FKBP8: variants seen among roughly 807,000 people sequenced by gnomAD.
The protein encoded by FKBP8 is FKBP prolyl isomerase 8.
In FKBP8, 5 loss-of-function variants were observed where a neutral mutation model predicts 41.7. The ratio of observed to expected loss-of-function variants is 0.12; its 90% CI spans 0.06 to 0.25. FKBP8 has a LOEUF of 0.25. FKBP8 is among the 10% of genes least tolerant of loss of function. FKBP8 has a pLI of 1.00. For synonymous variants in FKBP8, 279 were observed against 254.5 expected (o/e 1.10, Z -0.92); for missense variants, 397 against 563.0 (o/e 0.71, Z 2.98).
At chr19:18,533,608 G>C (rs1378924812) in intron 6 of FKBP8, among the ~76,000 whole-genome samples, 2 of 152,158 alleles carry the variant, frequency 1.3e-5, no homozygotes, top group East Asian at 3.8e-4. Flanking sequence ...AGGAGGCTGA[G>C]GTGGGAGGAT....
In FKBP8 at chr19:18,531,848, C is replaced by T. The variant is rs1347984499; in HGVS notation, c.*321G>A. ...GCGGGGTGGGGGGCTGGCACTCAGGCGGGGACTAGGCAGGGGAAGGGCTGC... is the reference window on the plus strand; with the variant it reads ...GCGGGGTGGGGGGCTGGCACTCAGGTGGGGACTAGGCAGGGGAAGGGCTGC... On this transcript the variant is annotated 3_prime_UTR_variant, in exon 9 of 9. Transcript: ENST00000608443. 6 of 293,722 alleles carry T rather than the reference C, an allele frequency of 2.0e-5. No individual in the cohort carries two copies. The highest frequency in any genetic ancestry group is 8.0e-5 in the African/African-American group (3 of 37,350). 18.2% of individuals were successfully genotyped at this position (293,722 alleles called of 1,614,324 possible). A position where few individuals can be genotyped will look rare whatever the true frequency, so the allele number is the denominator to read the frequency against.
At chr19:18,543,177 A>C (rs1600542445) in intron 1 of FKBP8, 1 of 207,554 alleles carries the variant, frequency 4.8e-6, no homozygotes, top group South Asian at 3.4e-5. Flanking sequence ...CCAACGACCC[A>C]CGCCTGTCTG....
In FKBP8 at chr19:18,538,135, G is replaced by C; in HGVS notation, c.772+81C>G. 7.1e-7 allele frequency: 1 copy of C among 1,401,830 alleles called. No homozygotes were observed. The highest frequency in any genetic ancestry group is 1.4e-5 in the African/African-American group (1 of 70,112). The allele number at this position is 1,401,830 out of a possible 1,614,324, so 86.8% of individuals were successfully genotyped here. A position where few individuals can be genotyped will look rare whatever the true frequency, so the allele number is the denominator to read the frequency against. ...CTATTCTAGAATATTCTGAGTCTGA[G>C]GCTCTCTGGGGCTGGAAGTTTCTGG... On this transcript the variant is annotated intron_variant, in intron 5 of 8. Transcript: ENST00000608443. The surrounding 1 kb of genome is among the most constrained non-coding windows in gnomAD (Gnocchi z 4.0).
At chr19:18,532,309 T>C in intron 8 of FKBP8, 54 bp from the exon 9 acceptor site, 1 of 1,480,106 alleles carries the variant, frequency 6.8e-7, no homozygotes, top group Non-Finnish European at 9.3e-7. Flanking sequence ...GACTGGCCTC[T>C]GGGGCCTCAG....
At chr19:18,542,574 A>C in intron 1 of FKBP8, 1 of 197,230 alleles carries the variant, frequency 5.1e-6, no homozygotes, top group South Asian at 6.2e-5. Flanking sequence ...CACCAACTGT[A>C]ATCACCCAGA....
intron 6 of FKBP8, among the ~76,000 whole-genome samples, chr19:18,534,916 T>C (rs112123121): frequency 0.016 from 2,414 of 151,862 alleles, 67 homozygotes; most frequent in African/African-American, 0.054. Context: ...GCCTCCCGAG[T>C]AACTGGGATT....
intron 2 of FKBP8, 107 bp from the exon 3 acceptor site, chr19:18,539,827 G>C: frequency 4.4e-6 from 6 of 1,367,756 alleles, no homozygotes; most frequent in Non-Finnish European, 6.1e-6. Flanking sequence ...GCTGTCCAGA[G>C]GGGGCTGGCC....
rs1261045327 is a variant in FKBP8, at chr19:18,538,571, G to C, written c.552-135C>G. On this transcript the variant is annotated intron_variant, in intron 4 of 8. Transcript: ENST00000608443. This position sits in a 1 kb window ranked among gnomAD's most constrained non-coding sequence, Gnocchi z 4.0. ...TCTGCCCTCCATCATTCCCTCCTCA[G>C]TAAAGTGCAGGGGAAGTGACTTGCC... 2.5e-5 allele frequency: 18 copies of C among 714,334 alleles called. No homozygotes were observed. Among genetic ancestry groups the C allele is most frequent in the South Asian group, 3.8e-5 (2 of 52,408 alleles). 44.2% of individuals were successfully genotyped at this position (714,334 alleles called of 1,614,324 possible).
At chr19:18,533,206 T>G in intron 7 of FKBP8, 64 bp downstream of exon 7, 1 of 1,431,034 alleles carries the variant, frequency 7.0e-7, no homozygotes, top group Non-Finnish European at 9.4e-7. Flanking sequence ...AAGAAAGACC[T>G]GGGGCAGACC....
At chr19:18,542,147 C>T (rs1976717497) in intron 1 of FKBP8, 152 bp from the exon 2 acceptor site, 2 of 1,167,868 alleles carry the variant, frequency 1.7e-6, no homozygotes, top group Non-Finnish European at 2.3e-6. Flanking sequence ...GTAACAACAA[C>T]CCCAGCTTGT....
At chr19:18,541,008 T>C (rs1024010160) in intron 2 of FKBP8, among the ~76,000 whole-genome samples, 3 of 152,162 alleles carry the variant, frequency 2.0e-5, no homozygotes, top group African/African-American at 7.2e-5. Flanking sequence ...GGTAATGATA[T>C]CTTATTATTT....
intron 6 of FKBP8, among the ~76,000 whole-genome samples, chr19:18,534,016 A>C (rs1976512006): frequency 6.9e-6 from 1 of 144,606 alleles, no homozygotes; most frequent in Admixed American, 7.0e-5. Flanking sequence ...CTCAAAAAAA[A>C]AAAAAAAGGC....
intron 6 of FKBP8, among the ~76,000 whole-genome samples, chr19:18,534,162 C>T (rs1007980021): frequency 1.3e-5 from 2 of 150,072 alleles, no homozygotes; most frequent in African/African-American, 4.9e-5. Context: ...AAAAAATTAG[C>T]CGGGCATGGT....
chr19:18,539,685 C>T lies in FKBP8; in HGVS notation c.328G>A (p.Gly110Arg). The T allele has an allele frequency of 6.2e-7, 1 of 1,610,136 alleles. No homozygotes were observed. The highest frequency in any genetic ancestry group is 8.5e-7 in the Non-Finnish European group (1 of 1,180,000). Residue 110 changes from glycine (G) to arginine (R), a missense_variant, in exon 3 of 9, where the codon GGG becomes AGG. By Grantham distance (125) the Gly-to-Arg change is moderately radical. This residue lies in a region of FKBP8 where 172 missense variants were observed against 196.2 expected (regional missense o/e 0.88). Transcript: ENST00000608443. ...GLLRKKTLVP[G>R]PPGSSRPVKG... ...ACCGGGCGGCTCGAACCTGGCGGCCCTGGGACCAGCGTCTTCTTCCTCAAC... is the reference window on the plus strand; with the variant it reads ...ACCGGGCGGCTCGAACCTGGCGGCCTTGGGACCAGCGTCTTCTTCCTCAAC...
At chr19:18,541,641 C>A in intron 2 of FKBP8, 38 bp downstream of exon 2, 2 of 1,564,502 alleles carry the variant, frequency 1.3e-6, no homozygotes, top group South Asian at 1.2e-5. Context: ...ACGAGAGGGC[C>A]AGGGCCAAGG....
intron 7 of FKBP8, 56 bp from the exon 8 acceptor site, chr19:18,532,851 G>C: frequency 6.3e-7 from 1 of 1,599,258 alleles, no homozygotes; most frequent in Non-Finnish European, 8.5e-7. Flanking sequence ...CATCACTGGC[G>C]CTCTGCCTTA....
chr19:18,538,129 G>T lies in FKBP8; in HGVS notation c.772+87C>A. On this transcript the variant is annotated intron_variant, in intron 5 of 8. Transcript: ENST00000608443. The surrounding 1 kb of genome is among the most constrained non-coding windows in gnomAD (Gnocchi z 4.0). ...TCTGGGCTATTCTAGAATATTCTGA[G>T]TCTGAGGCTCTCTGGGGCTGGAAGT... The T allele has an allele frequency of 7.3e-7, 1 of 1,375,584 alleles. No individual in the cohort carries two copies. Among genetic ancestry groups the T allele is most frequent in the Non-Finnish European group, 1.0e-6 (1 of 994,736 alleles). The allele number at this position is 1,375,584 out of a possible 1,614,324, so 85.2% of individuals were successfully genotyped here.
intron 7 of FKBP8, 125 bp from the exon 8 acceptor site, chr19:18,532,920 C>T: frequency 6.9e-7 from 1 of 1,451,164 alleles, no homozygotes; most frequent in Non-Finnish European, 9.1e-7. Context: ...CCCATCTGCC[C>T]CTTTCTGGGC....
intron 6 of FKBP8, among the ~76,000 whole-genome samples, chr19:18,533,777 C>T (rs1290910606): frequency 5.3e-5 from 8 of 151,566 alleles, no homozygotes; most frequent in East Asian, 1.9e-4. Context: ...GAGGCCGAGG[C>T]GGGCGGATCA....
Sources: allele counts gnomAD v4.1 joint callset (sites outside exome capture counted in the v4.1 genomes callset), GRCh38; gene constraint gnomAD v4.1.1; regional missense constraint gnomAD v4.1.1; non-coding constraint Gnocchi (gnomAD v3.1); transcripts MANE v1.5; gene names NCBI Gene and HGNC (gene_info 2026-07-23, HGNC 2026-07-21).